PITPNM3: variants seen among roughly 807,000 people sequenced by gnomAD.
The protein encoded by PITPNM3 is membrane-associated phosphatidylinositol transfer protein 3.
In PITPNM3, 26 loss-of-function variants were observed where a neutral mutation model predicts 102.0. The observed-to-expected ratio is 0.25, with a 90% CI of 0.19 to 0.35. The LOEUF is 0.35. Ranked by LOEUF, PITPNM3 falls within the 10% of genes least tolerant of loss-of-function variation. The pLI, the probability that PITPNM3 is intolerant of heterozygous loss-of-function variation, is 1.00. For synonymous variants in PITPNM3, 578 were observed against 558.6 expected (o/e 1.03, Z -0.49); for missense variants, 1,083 against 1,346.1 (o/e 0.80, Z 3.06).
chr17:6,506,262 A>T (rs772899190), intron 3 of PITPNM3, among the ~76,000 whole-genome samples: 1 of 152,168 alleles, frequency 6.6e-6, no homozygotes, highest in African/African-American at 2.4e-5. Flanking sequence ...ATGTTGCTAA[A>T]GGTACTAAAA....
chr17:6,523,474 C>G (rs1190813778), intron 3 of PITPNM3, among the ~76,000 whole-genome samples: 4 of 152,204 alleles, frequency 2.6e-5, no homozygotes, highest in African/African-American at 9.7e-5. Flanking sequence ...TCCTCGTCCC[C>G]TGCCCTCCAG....
intron 1 of PITPNM3, among the ~76,000 whole-genome samples, chr17:6,546,641 C>G (rs113150226): frequency 6.6e-6 from 1 of 152,224 alleles, no homozygotes; most frequent in Non-Finnish European, 1.5e-5. Context: ...AAGCCCTGAC[C>G]CTGGCCACAC....
At chr17:6,465,960 T>C (rs995330223) in intron 14 of PITPNM3, among the ~76,000 whole-genome samples, 2 of 152,160 alleles carry the variant, frequency 1.3e-5, no homozygotes, top group African/African-American at 4.8e-5. Flanking sequence ...AGATCCTCTG[T>C]CTCTATAAAG....
At chr17:6,482,138 C>A (rs776117188) in intron 6 of PITPNM3, among the ~76,000 whole-genome samples, 2 of 150,210 alleles carry the variant, frequency 1.3e-5, no homozygotes, top group Non-Finnish European at 3.0e-5. Flanking sequence ...CTCTGATCTC[C>A]GTTGTCTGAT....
chr17:6,497,718 TGAGAC>T (rs776605614), intron 4 of PITPNM3, among the ~76,000 whole-genome samples: 27 of 152,262 alleles, frequency 1.8e-4, no homozygotes, highest in Middle Eastern at 3.4e-3. Context: ...GGAAAAGCCA[TGAGAC>T]GACCAGCATG....
At chr17:6,455,806 C>A (rs1274820326) in intron 19 of PITPNM3, among the ~76,000 whole-genome samples, 163 bp from the exon 20 acceptor site, 1 of 75,526 alleles carries the variant, frequency 1.3e-5, no homozygotes, top group Non-Finnish European at 2.7e-5. Flanking sequence ...AGGCATCAGG[C>A]GGAGGGGTGG....
At chr17:6,462,998 G>A (rs746499933) in intron 17 of PITPNM3, among the ~76,000 whole-genome samples, 38 of 152,100 alleles carry the variant, frequency 2.5e-4, no homozygotes, top group South Asian at 2.1e-4. Context: ...GGACTGTGAC[G>A]CAGGAGGGAT....
intron 4 of PITPNM3, among the ~76,000 whole-genome samples, chr17:6,501,341 T>A (rs897908398): frequency 6.6e-6 from 1 of 152,280 alleles, no homozygotes; most frequent in East Asian, 1.9e-4. Context: ...AGACTGCCCC[T>A]CCCAGAGCTG....
At chr17:6,510,245 A>G (rs1393665323) in intron 3 of PITPNM3, among the ~76,000 whole-genome samples, 2 of 152,118 alleles carry the variant, frequency 1.3e-5, no homozygotes, top group Non-Finnish European at 2.9e-5. Context: ...GACAATTTAT[A>G]CTAACAATCT....
intron 1 of PITPNM3, among the ~76,000 whole-genome samples, chr17:6,549,243 G>T (rs1910184848): frequency 6.6e-6 from 1 of 152,078 alleles, no homozygotes; most frequent in African/African-American, 2.4e-5. Context: ...ACCCCATGGA[G>T]CCCCAAATTC....
chr17:6,534,480 G>A (rs1447079734), intron 2 of PITPNM3, among the ~76,000 whole-genome samples: 1 of 152,190 alleles, frequency 6.6e-6, no homozygotes, highest in African/African-American at 2.4e-5. Flanking sequence ...AAAGGGTTGG[G>A]GCTGATGGCT....
intron 18 of PITPNM3, chr17:6,460,626 T>C (rs1904393054): frequency 6.6e-6 from 1 of 152,500 alleles, no homozygotes; most frequent in Non-Finnish European, 1.5e-5. Context: ...AATTTGCATG[T>C]CATGAAATAT....
chr17:6,497,755 G>A (rs769956595), intron 4 of PITPNM3, among the ~76,000 whole-genome samples: 28 of 152,214 alleles, frequency 1.8e-4, no homozygotes, highest in Non-Finnish European at 2.8e-4. Flanking sequence ...CATGTGTCAG[G>A]TGGCTGTTGT....
chr17:6,465,094 C>T (rs181944504), intron 14 of PITPNM3, among the ~76,000 whole-genome samples: 1 of 152,068 alleles, frequency 6.6e-6, no homozygotes, highest in African/African-American at 2.4e-5. Flanking sequence ...CTCTTGTTGC[C>T]CAGGCTGGAG....
chr17:6,534,164 C>A (rs1321648294), intron 2 of PITPNM3, among the ~76,000 whole-genome samples: 2 of 152,214 alleles, frequency 1.3e-5, no homozygotes, highest in Non-Finnish European at 2.9e-5. Flanking sequence ...GCTGTGGCCC[C>A]CCAGATATCC....
Position 6,453,002 on chromosome 17 carries a change from T to TC in PITPNM3, c.*2335_*2336insG, listed in dbSNP as rs1555550041. 7 of 118,782 alleles carry TC rather than the reference T, an allele frequency of 5.9e-5. No homozygotes were observed. The highest frequency in any genetic ancestry group is 1.2e-4 in the Non-Finnish European group (7 of 56,038). The allele number at this position is 118,782 out of a possible 1,614,324, so 7.4% of individuals were successfully genotyped here. On this transcript the variant is annotated 3_prime_UTR_variant, in exon 20 of 20. Coordinates refer to ENST00000262483, the MANE Select transcript of PITPNM3 (RefSeq NM_031220.4). ...CCTCTCTCTCTCTCTCTGTCTTCCT[T>TC]TCTCTCTCTCTCTCTCTCTCTGCCT...
chr17:6,457,770 CT>C lies in PITPNM3; in HGVS notation c.2491-49del. 1.3e-6 allele frequency: 2 copies of C among 1,552,730 alleles called. 1 individual carries two copies. Among genetic ancestry groups the C allele is most frequent in the Middle Eastern group, 3.7e-4 (2 of 5,360 alleles). ...GGGGAGAGTGAGGCCAGCCCACCCC[CT>C]GGAAAGCCTTCCCAGGCCAACCCCA... On this transcript the variant is annotated intron_variant, in intron 18 of 19. Coordinates refer to ENST00000262483, the MANE Select transcript of PITPNM3 (RefSeq NM_031220.4). The surrounding 1 kb of genome is among the most constrained non-coding windows in gnomAD (Gnocchi z 4.7).
At chr17:6,471,631 CT>C (rs1567664711) in intron 11 of PITPNM3, among the ~76,000 whole-genome samples, 1 of 152,228 alleles carries the variant, frequency 6.6e-6, no homozygotes, top group African/African-American at 2.4e-5. Flanking sequence ...GCCATCACCC[CT>C]ACCTCCAATA....
At chr17:6,482,879 G>A (rs952451856) in intron 6 of PITPNM3, among the ~76,000 whole-genome samples, 5 of 151,998 alleles carry the variant, frequency 3.3e-5, no homozygotes, top group Non-Finnish European at 5.9e-5. Flanking sequence ...TCGTGTGGCC[G>A]AGTTTGACTC....
Sources: gnomAD v4.1 joint callset for allele counts (sites outside exome capture counted in the v4.1 genomes callset) on GRCh38, gnomAD v4.1.1 for gene constraint, Gnocchi (gnomAD v3.1) non-coding constraint, MANE v1.5 for transcripts, NCBI Gene and HGNC (gene_info 2026-07-23, HGNC 2026-07-21) for gene names.